The following ITPR2 variants were observed in gnomAD, a reference collection of about 807,000 sequenced individuals.
ITPR2 encodes the protein inositol 1,4,5-trisphosphate-gated calcium channel ITPR2.
In ITPR2, 207 loss-of-function variants were observed where a neutral mutation model predicts 317.1. That is an observed-to-expected ratio of 0.65 (90% CI 0.58 to 0.73). The LOEUF (loss-of-function observed/expected upper bound fraction) is 0.73, where lower values mean the gene tolerates loss of function less well. Ranked by LOEUF, ITPR2 falls within the 30% of genes least tolerant of loss-of-function variation. The pLI, the probability that ITPR2 is intolerant of heterozygous loss-of-function variation, is 0.00. For synonymous variants in ITPR2, 1,156 were observed against 1,149.1 expected, an observed-to-expected ratio of 1.01 and a Z score of -0.12; for missense variants, 2,613 against 3,284.0, an observed-to-expected ratio of 0.80 and a Z score of 4.99.
intron 2 of ITPR2, among the ~76,000 whole-genome samples, chr12:26,726,645 G>A (rs911720937): frequency 1.3e-5 from 2 of 152,106 alleles, no homozygotes; most frequent in African/African-American, 4.8e-5. Context: ...GATATTTAGA[G>A]TCATTCTCAT....
intron 55 of ITPR2, among the ~76,000 whole-genome samples, chr12:26,376,373 C>T (rs914598457): frequency 1.3e-5 from 2 of 152,174 alleles, no homozygotes; most frequent in African/African-American, 4.8e-5. Flanking sequence ...GTGCTCAACC[C>T]TCCCTCCCCT....
intron 45 of ITPR2, among the ~76,000 whole-genome samples, chr12:26,446,897 T>C (rs1405751487): frequency 2.0e-5 from 3 of 152,070 alleles, no homozygotes; most frequent in African/African-American, 7.2e-5. Flanking sequence ...AACTTCACTG[T>C]TTTTTTCTAC....
rs1240976325 is a variant in ITPR2 at position 26,531,682 on chromosome 12, C to CAA, written c.5073+18563_5073+18564dup. Among the ~76,000 whole-genome samples, 6 of 148,588 alleles carry CAA rather than the reference C, an allele frequency of 4.0e-5. No homozygotes were observed. In the East Asian group the frequency reaches 1.0e-3, roughly 25 times the overall value. The stretch of plus-strand genomic sequence containing the variant: ...ACACACACACACACACACACACACA[C>CAA]AAGTGTGTATCTGAATGATTCAAGA... On this transcript the variant is annotated intron_variant, in intron 37 of 56. Coordinates refer to ENST00000381340, the MANE Select transcript of ITPR2 (RefSeq NM_002223.4).
intron 26 of ITPR2, among the ~76,000 whole-genome samples, chr12:26,607,822 C>T (rs1265676798): frequency 3.3e-5 from 5 of 152,016 alleles, no homozygotes; most frequent in East Asian, 1.9e-4. Flanking sequence ...GGCTCACACC[C>T]GTAATCCCAG....
chr12:26,588,480 T>G (rs1018136183), intron 32 of ITPR2, among the ~76,000 whole-genome samples: 1 of 152,214 alleles, frequency 6.6e-6, no homozygotes, highest in African/African-American at 2.4e-5. Flanking sequence ...CCCTTTTGAA[T>G]GAGATTTTTT....
chr12:26,578,673 A>G (rs1391785204), intron 34 of ITPR2, 40 bp downstream of exon 34: 9 of 1,546,084 alleles, frequency 5.8e-6, no homozygotes, highest in Non-Finnish European at 5.3e-6. Flanking sequence ...TAATTTCTTC[A>G]AGAAATGTAA....
chr12:26,411,123 G>T, intron 52 of ITPR2, 197 bp downstream of exon 52: 1 of 526,786 alleles, frequency 1.9e-6, no homozygotes, highest in Non-Finnish European at 3.4e-6. Context: ...ACAATATAAC[G>T]AACAGGAGAG....
Position 26,580,294 on chromosome 12 carries a change from C to T in ITPR2, c.4381-139G>A, listed in dbSNP as rs1945372130. ...TTTTTAAAGTTGCTGAGAAGAGAAG[C>T]ATTTCAGCCTGAAATCATGATAATT... On this transcript the variant is annotated intron_variant, in intron 32 of 56. Transcript: ENST00000381340. 7.4e-6 allele frequency: 5 copies of T among 676,284 alleles called. No homozygotes were observed. The East Asian group carries it at 1.4e-4, about 19-fold the overall frequency. The allele number at this position is 676,284 out of a possible 1,614,324, so 41.9% of individuals were successfully genotyped here.
chr12:26,534,178 C>G (rs750309272), intron 37 of ITPR2, among the ~76,000 whole-genome samples: 1 of 152,156 alleles, frequency 6.6e-6, no homozygotes, highest in South Asian at 2.1e-4. Flanking sequence ...TGGGATAGTT[C>G]CAAATTTTTG....
intron 34 of ITPR2, among the ~76,000 whole-genome samples, chr12:26,577,773 G>A (rs757772330): frequency 5.9e-5 from 9 of 152,078 alleles, no homozygotes; most frequent in Non-Finnish European, 1.2e-4. Flanking sequence ...AGGGAGAAAT[G>A]ACTAAAAACA....
At chr12:26,693,124 G>A (rs552965248) in intron 10 of ITPR2, among the ~76,000 whole-genome samples, 15 of 152,254 alleles carry the variant, frequency 9.9e-5, no homozygotes, top group African/African-American at 3.4e-4. Flanking sequence ...TAAATCAACT[G>A]TCTGCAGTTG....
At chr12:26,668,677 T>C (rs1592016609) in intron 13 of ITPR2, among the ~76,000 whole-genome samples, 1 of 152,132 alleles carries the variant, frequency 6.6e-6, no homozygotes, top group East Asian at 1.9e-4. Context: ...AAAATCCGAG[T>C]AACAAAACAG....
chr12:26,436,097 C>A lies in ITPR2; in HGVS notation c.6769+124G>T, dbSNP rs555705112. ...TCTGCCTGTTCTATTTACTATCATA[C>A]TCTACTTCCAACAAGTATAGAAAAA... On this transcript the variant is annotated intron_variant, in intron 48 of 56. Transcript: ENST00000381340. The A allele has an allele frequency of 8.2e-5, 76 of 927,052 alleles. No individual in the cohort carries two copies. In the African/African-American group the frequency reaches 9.3e-4, roughly 11 times the overall value. 57.4% of individuals were successfully genotyped at this position (927,052 alleles called of 1,614,324 possible).
chr12:26,699,994 A>AT (rs1948416884), intron 9 of ITPR2, among the ~76,000 whole-genome samples: 1 of 152,224 alleles, frequency 6.6e-6, no homozygotes, highest in Admixed American at 6.5e-5. Context: ...TTAATAGAGC[A>AT]TCTATAATGG....
chr12:26,767,378 A>G (rs1949740382), intron 2 of ITPR2, among the ~76,000 whole-genome samples: 1 of 152,206 alleles, frequency 6.6e-6, no homozygotes, highest in Non-Finnish European at 1.5e-5. Context: ...CTAGGGCAGG[A>G]AGCTCTTTCA....
intron 2 of ITPR2, among the ~76,000 whole-genome samples, chr12:26,776,135 T>G: frequency 6.6e-6 from 1 of 151,894 alleles, no homozygotes; most frequent in Non-Finnish European, 1.5e-5. Context: ...TCTAACAGTA[T>G]GGAGAACACT....
chr12:26,739,341 A>G (rs1949190053), intron 2 of ITPR2, among the ~76,000 whole-genome samples: 1 of 152,236 alleles, frequency 6.6e-6, no homozygotes, highest in South Asian at 2.1e-4. Context: ...GTCCACACAA[A>G]GCATTGTATG....
intron 23 of ITPR2, among the ~76,000 whole-genome samples, chr12:26,625,967 T>C (rs1267902261): frequency 6.6e-6 from 1 of 152,150 alleles, no homozygotes; most frequent in Non-Finnish European, 1.5e-5. Flanking sequence ...TTTTTGTGTG[T>C]TTGTTTGTTA....
At chr12:26,490,536 G>T (rs932674564) in intron 39 of ITPR2, among the ~76,000 whole-genome samples, 2 of 152,224 alleles carry the variant, frequency 1.3e-5, no homozygotes, top group African/African-American at 4.8e-5. Context: ...GAAATGGCCG[G>T]GCGCAGTGGC....
Sources: allele counts gnomAD v4.1 joint callset (sites outside exome capture counted in the v4.1 genomes callset), GRCh38; gene constraint gnomAD v4.1.1; transcripts MANE v1.5; gene names NCBI Gene and HGNC (gene_info 2026-07-23, HGNC 2026-07-21).